The following SLC28A1 variants were observed in gnomAD, a reference collection of about 807,000 sequenced individuals.
SLC28A1 encodes the protein sodium/nucleoside cotransporter 1.
A neutral mutation model predicts 74.8 loss-of-function variants in SLC28A1; 64 were observed. That is an observed-to-expected ratio of 0.86 (90% CI 0.70 to 1.05). The LOEUF is 1.05. SLC28A1 is among the 50% of genes least tolerant of loss of function. The pLI, the probability that SLC28A1 is intolerant of heterozygous loss-of-function variation, is 0.00. For synonymous variants in SLC28A1, 359 were observed against 335.0 expected, an observed-to-expected ratio of 1.07 and a Z score of -0.78; for missense variants, 828 against 822.8, an observed-to-expected ratio of 1.01 and a Z score of -0.08.
chr15:84,906,516 G>GTTTCTTTC (rs1344789607), intron 8 of SLC28A1, among the ~76,000 whole-genome samples: 6 of 70,994 alleles, frequency 8.5e-5, no homozygotes, highest in African/African-American at 4.9e-4. Flanking sequence ...TTGTTTGTTT[G>GTTTCTTTC]TTTGTTTGTT....
chr15:84,955,147 G>A, the SLC28A1 span, among the ~76,000 whole-genome samples: 4 of 152,182 alleles, frequency 2.6e-5, no homozygotes, highest in Admixed American at 6.5e-5. Flanking sequence ...CCAAGTGCCA[G>A]ACACGAGCGA....
chr15:84,891,494 A>T (rs1211244955), intron 5 of SLC28A1, among the ~76,000 whole-genome samples: 1 of 152,170 alleles, frequency 6.6e-6, no homozygotes, highest in Admixed American at 6.5e-5. Flanking sequence ...TCTGAGGGAG[A>T]GAGGAGGCTC....
At chr15:84,886,616 C>G in intron 1 of SLC28A1, 56 bp from the exon 2 acceptor site, 1 of 985,468 alleles carries the variant, frequency 1.0e-6, no homozygotes. Flanking sequence ...TCTGGGGAGG[C>G]GCTGGGCAGA....
chr15:84,907,513 G>A (rs1291238249), intron 8 of SLC28A1, among the ~76,000 whole-genome samples: 1 of 151,810 alleles, frequency 6.6e-6, no homozygotes, highest in Non-Finnish European at 1.5e-5. Context: ...GTTTAGTTTA[G>A]TTTAGTTTTG....
chr15:84,895,634 G>C, intron 6 of SLC28A1: 2 of 1,454,330 alleles, frequency 1.4e-6, no homozygotes, highest in Non-Finnish European at 1.8e-6. Flanking sequence ...GATGTCACAG[G>C]GCAGGAGAGG....
chr15:84,924,218 G>A, intron 12 of SLC28A1, 108 bp downstream of exon 12: 1 of 1,325,836 alleles, frequency 7.5e-7, no homozygotes, highest in Admixed American at 1.7e-5. Context: ...TTCTCTCTTG[G>A]GCCTGCTGTG....
intron 5 of SLC28A1, among the ~76,000 whole-genome samples, chr15:84,891,332 G>C (rs1377829755): frequency 6.6e-6 from 1 of 152,178 alleles, no homozygotes; most frequent in Non-Finnish European, 1.5e-5. Flanking sequence ...CAGCATGAAG[G>C]AAACCCTGAA....
chr15:84,945,046 T>A, intron 18 of SLC28A1, 79 bp from the exon 19 acceptor site: 1 of 1,313,660 alleles, frequency 7.6e-7, no homozygotes, highest in African/African-American at 1.5e-5. Context: ...TGAAACAGTG[T>A]TCCCGGTGTT....
the SLC28A1 span, among the ~76,000 whole-genome samples, chr15:84,959,710 A>G: frequency 1.3e-5 from 2 of 152,048 alleles, no homozygotes; most frequent in Non-Finnish European, 2.9e-5. Flanking sequence ...CATGTGAGTA[A>G]TATCATTTCC....
the SLC28A1 span, among the ~76,000 whole-genome samples, chr15:84,956,426 TTTCTCTTCCTTCCTTC>T: frequency 1.6e-4 from 21 of 128,826 alleles, no homozygotes; most frequent in African/African-American, 6.5e-4. Context: ...TCCTTCCTTC[TTTCTCTTCCTTCCTTC>T]CTTTCTTTCT....
At chr15:84,905,837 C>T (rs1845183736) in intron 8 of SLC28A1, among the ~76,000 whole-genome samples, 185 bp downstream of exon 8, 1 of 151,956 alleles carries the variant, frequency 6.6e-6, no homozygotes. Context: ...TGCCACTTCC[C>T]TCATGCCTGG....
At chr15:84,885,049 C>G (rs1018277128) in intron 1 of SLC28A1, among the ~76,000 whole-genome samples, 1 of 152,168 alleles carries the variant, frequency 6.6e-6, no homozygotes, top group Non-Finnish European at 1.5e-5. Context: ...GCCTCCACCT[C>G]TCGGGTTCAA....
chr15:84,972,772 A>C, the SLC28A1 span, among the ~76,000 whole-genome samples: 2 of 152,250 alleles, frequency 1.3e-5, no homozygotes. Flanking sequence ...CCAACTGAGA[A>C]AATGTGAAAT....
At chr15:84,934,948 T>C in intron 13 of SLC28A1, 78 bp from the exon 14 acceptor site, 2 of 1,219,954 alleles carry the variant, frequency 1.6e-6, no homozygotes, top group Non-Finnish European at 2.4e-6. Flanking sequence ...CCAGGGTTCC[T>C]ATTTGAGCCT....
rs369099648 is a variant in SLC28A1, at chr15:84,904,219, G to T, written c.584G>T (p.Cys195Phe). 6.2e-7 allele frequency: 1 copy of T among 1,613,994 alleles called. No homozygotes were observed. Residue 195 changes from cysteine to phenylalanine, a missense_variant, in exon 7 of 19, where the codon TGC becomes TTC. Physicochemically the swap from Cys to Phe is radical, Grantham distance 205 (BLOSUM62 -2). This residue lies in a region of SLC28A1 where 767 missense variants were observed against 753.5 expected (regional missense o/e 1.02). Coordinates refer to ENST00000394573, the MANE Select transcript of SLC28A1 (RefSeq NM_004213.5). ...GTGTTCGTCGCTCTCCTCTTTGCCTGCTCAAAGCATCATTGCGCAGTGAGT... is the reference window on the plus strand; with the variant it reads ...GTGTTCGTCGCTCTCCTCTTTGCCTTCTCAAAGCATCATTGCGCAGTGAGT... Reference protein sequence around the residue: ...ICVFVALLFACSKHHCAVSWR... With the variant: ...ICVFVALLFAFSKHHCAVSWR...
intron 15 of SLC28A1, 59 bp downstream of exon 15, chr15:84,935,577 G>A (rs1971789620): frequency 6.8e-7 from 1 of 1,473,914 alleles, no homozygotes; most frequent in Non-Finnish European, 9.4e-7. Flanking sequence ...CCACTCCTCA[G>A]GGCCCCTGGC....
At chr15:84,973,821 G>C in the SLC28A1 span, among the ~76,000 whole-genome samples, 338 of 152,252 alleles carry the variant, frequency 2.2e-3, 3 homozygotes, top group South Asian at 0.017. Flanking sequence ...TAAAGAGTAC[G>C]CATTTTAAGA....
intron 8 of SLC28A1, among the ~76,000 whole-genome samples, chr15:84,906,950 A>G (rs12914991): frequency 0.3 from 46,294 of 152,114 alleles, 7,170 homozygotes; most frequent in Middle Eastern, 0.34. Flanking sequence ...ACCTCATTCT[A>G]TAAAAATAGA....
chr15:84,917,425 A>G (rs1969267187), intron 9 of SLC28A1, among the ~76,000 whole-genome samples: 1 of 152,132 alleles, frequency 6.6e-6, no homozygotes, highest in Admixed American at 6.5e-5. Context: ...ACAAGATCAC[A>G]CACAACGCCC....
Sources: allele counts gnomAD v4.1 joint callset (sites outside exome capture counted in the v4.1 genomes callset), GRCh38; gene constraint gnomAD v4.1.1; regional missense constraint gnomAD v4.1.1; transcripts MANE v1.5; gene names NCBI Gene and HGNC (gene_info 2026-07-23, HGNC 2026-07-21).